Variants in ZNF407 observed in about 807,000 individuals in gnomAD.
ZNF407 encodes the protein zinc finger protein 407.
ZNF407 carries 17 observed loss-of-function variants against 131.2 expected under a neutral mutation model. The observed-to-expected ratio is 0.13, with a 90% CI of 0.09 to 0.19. ZNF407 has a LOEUF of 0.19. Among genes scored for constraint, ZNF407 ranks in the 10% least tolerant of loss-of-function variants. The probability of loss-of-function intolerance (pLI) is 1.00; values close to 1 mark genes in which losing one functional copy is unlikely to be tolerated. For missense variants in ZNF407, 2,681 were observed against 2,830.6 expected, an observed-to-expected ratio of 0.95 and a Z score of 1.20; for synonymous variants, 1,156 against 1,062.0, an observed-to-expected ratio of 1.09 and a Z score of -1.72.
intron 3 of ZNF407, among the ~76,000 whole-genome samples, chr18:74,660,514 A>G (rs1171693262): frequency 6.6e-6 from 1 of 152,154 alleles, no homozygotes; most frequent in Non-Finnish European, 1.5e-5. Flanking sequence ...TATAGTAATT[A>G]TGCCTCACAA....
intron 3 of ZNF407, among the ~76,000 whole-genome samples, chr18:74,696,599 A>G (rs1967361967): frequency 1.3e-5 from 2 of 152,200 alleles, no homozygotes; most frequent in African/African-American, 4.8e-5. Context: ...TTTCCCAACA[A>G]ATATATCATA....
At chr18:75,033,091 G>C (rs557926982) in intron 8 of ZNF407, among the ~76,000 whole-genome samples, 248 of 125,498 alleles carry the variant, frequency 2.0e-3, no homozygotes, top group African/African-American at 3.8e-3. Flanking sequence ...TGCTCGGAAT[G>C]GGGGGAAGAT....
At chr18:74,869,291 G>A (rs1214999076) in intron 4 of ZNF407, among the ~76,000 whole-genome samples, 4 of 152,102 alleles carry the variant, frequency 2.6e-5, no homozygotes, top group East Asian at 3.8e-4. Flanking sequence ...ATTTCATTTA[G>A]CTCAGACTAG....
intron 4 of ZNF407, among the ~76,000 whole-genome samples, chr18:74,828,989 A>G (rs1599181314): frequency 1.3e-5 from 2 of 152,338 alleles, no homozygotes; most frequent in East Asian, 3.9e-4. Context: ...CACAATAGAA[A>G]GGGCCCCACA....
At chr18:74,904,741 T>C (rs778896022) in intron 7 of ZNF407, among the ~76,000 whole-genome samples, 1 of 152,124 alleles carries the variant, frequency 6.6e-6, no homozygotes, top group Non-Finnish European at 1.5e-5. Context: ...GTGGGAAACA[T>C]GAAAGGTGAA....
intron 4 of ZNF407, among the ~76,000 whole-genome samples, chr18:74,872,069 T>C (rs765953910): frequency 5.9e-5 from 9 of 151,938 alleles, no homozygotes; most frequent in Non-Finnish European, 8.8e-5. Context: ...CGGGTTTCAC[T>C]GTATTGGTCA....
chr18:74,895,426 T>C (rs376734879), intron 7 of ZNF407, among the ~76,000 whole-genome samples: 97 of 152,240 alleles, frequency 6.4e-4, no homozygotes, highest in African/African-American at 2.2e-3. Flanking sequence ...TTGCTGTTCT[T>C]TACCACCATT....
At chr18:75,054,351 A>G (rs981971419) in intron 8 of ZNF407, among the ~76,000 whole-genome samples, 1 of 152,234 alleles carries the variant, frequency 6.6e-6, no homozygotes, top group African/African-American at 2.4e-5. Context: ...CTACCTTCAT[A>G]TGAAAGTGTC....
At chr18:74,675,650 G>C (rs549132941) in intron 3 of ZNF407, among the ~76,000 whole-genome samples, 4 of 152,130 alleles carry the variant, frequency 2.6e-5, no homozygotes, top group Non-Finnish European at 5.9e-5. Context: ...TAGCTTTTCT[G>C]ATTTTAGTTC....
At chr18:74,929,833 A>G (rs1346472685) in intron 8 of ZNF407, among the ~76,000 whole-genome samples, 1 of 152,146 alleles carries the variant, frequency 6.6e-6, no homozygotes, top group Non-Finnish European at 1.5e-5. Context: ...ACTCTTTGCA[A>G]TTTCATTTAT....
intron 8 of ZNF407, among the ~76,000 whole-genome samples, chr18:74,942,018 G>A (rs1284303803): frequency 2.0e-5 from 3 of 152,292 alleles, no homozygotes; most frequent in Non-Finnish European, 4.4e-5. Context: ...CATGTGTTGG[G>A]TTGAAGATCG....
chr18:74,851,444 T>G (rs894557185), intron 4 of ZNF407, among the ~76,000 whole-genome samples: 5 of 152,250 alleles, frequency 3.3e-5, no homozygotes, highest in African/African-American at 1.2e-4. Context: ...TACACATTTA[T>G]GTATTATACT....
intron 3 of ZNF407, among the ~76,000 whole-genome samples, chr18:74,643,987 A>G (rs1377020362): frequency 6.6e-6 from 1 of 151,972 alleles, no homozygotes; most frequent in African/African-American, 2.4e-5. Context: ...TGAATGTATT[A>G]GATGCCTAAT....
chr18:74,991,583 G>C (rs1029796405), intron 8 of ZNF407, among the ~76,000 whole-genome samples: 2 of 152,062 alleles, frequency 1.3e-5, no homozygotes, highest in Admixed American at 1.3e-4. Context: ...TACCTATTCG[G>C]TATTGGTCAC....
intron 4 of ZNF407, among the ~76,000 whole-genome samples, chr18:74,829,792 G>T (rs1970457117): frequency 6.6e-6 from 1 of 150,872 alleles, no homozygotes; most frequent in African/African-American, 2.4e-5. Flanking sequence ...TGCTAATTCT[G>T]GTCTTTCACC....
At chr18:74,912,467 A>G (rs1971687430) in intron 7 of ZNF407, among the ~76,000 whole-genome samples, 1 of 152,198 alleles carries the variant, frequency 6.6e-6, no homozygotes, top group Non-Finnish European at 1.5e-5. Context: ...AGACAAGTAT[A>G]ATAGAATAGA....
chr18:74,823,866 T>C (rs969271195), intron 4 of ZNF407, among the ~76,000 whole-genome samples: 6 of 152,192 alleles, frequency 3.9e-5, no homozygotes, highest in Non-Finnish European at 7.3e-5. Context: ...GCAGACCTAA[T>C]AGACATCTAT....
At chr18:74,877,118 G>T in intron 4 of ZNF407, 79 bp from the exon 5 acceptor site, 1 of 1,325,028 alleles carries the variant, frequency 7.5e-7, no homozygotes. Flanking sequence ...GCACCTCAGG[G>T]TTCGCACACG....
rs568971163 is a variant in ZNF407, at chr18:74,701,287, C to T, written c.4802+60165C>T. On this transcript the variant is annotated intron_variant, in intron 3 of 8. Coordinates refer to ENST00000299687, the MANE Select transcript of ZNF407 (RefSeq NM_017757.3). Reference sequence around the variant, plus strand: ...AATTATCACCTGTGCTGTTTGGCACCAAAACTAGCTTGCCCCTTGGATCAG... The same window carrying T: ...AATTATCACCTGTGCTGTTTGGCACTAAAACTAGCTTGCCCCTTGGATCAG... Among the ~76,000 whole-genome samples the T allele has an allele frequency of 9.8e-5, 15 of 152,292 alleles. No homozygotes were observed. The South Asian group carries it at 2.7e-3, about 27-fold the overall frequency.
Sources: gnomAD v4.1 joint callset for allele counts (sites outside exome capture counted in the v4.1 genomes callset) on GRCh38, gnomAD v4.1.1 for gene constraint, MANE v1.5 for transcripts, NCBI Gene and HGNC (gene_info 2026-07-23, HGNC 2026-07-21) for gene names.